Variants in CHLSN observed in about 807,000 individuals in gnomAD.
The protein encoded by CHLSN is protein cholesin.
chr7:1,115,560 CA>C, the CHLSN span, among the ~76,000 whole-genome samples: 320 of 132,026 alleles, frequency 2.4e-3, 1 homozygote, highest in African/African-American at 8.9e-3. Flanking sequence ...GCTCTACGGA[CA>C]GGCTTCCATC....
the CHLSN span, chr7:1,028,188 G>GGGCTGGGGCA: frequency 1.0e-6 from 1 of 964,644 alleles, no homozygotes; most frequent in Non-Finnish European, 1.2e-6. Context: ...GCCGCGGGGC[G>GGGCTGGGGCA]GGGCTGGGGC....
the CHLSN span, among the ~76,000 whole-genome samples, chr7:1,011,292 C>A: frequency 4.3e-5 from 6 of 140,714 alleles, no homozygotes; most frequent in Admixed American, 2.1e-4. Context: ...CACACATAGA[C>A]CAACACCCAC....
At chr7:1,050,044 C>T in the CHLSN span, among the ~76,000 whole-genome samples, 1 of 152,244 alleles carries the variant, frequency 6.6e-6, no homozygotes, top group Non-Finnish European at 1.5e-5. Context: ...CGGGCTAGGC[C>T]TTGGCAGGGC....
At chr7:988,192 T>TA in the CHLSN span, 1 of 1,440,714 alleles carries the variant, frequency 6.9e-7, no homozygotes, top group Non-Finnish European at 9.3e-7. Flanking sequence ...TGGCAGGAGC[T>TA]ACATCCTGGA....
the CHLSN span, among the ~76,000 whole-genome samples, chr7:1,004,366 G>T: frequency 6.6e-6 from 1 of 152,166 alleles, no homozygotes; most frequent in Non-Finnish European, 1.5e-5. Flanking sequence ...CCTTGGGAAC[G>T]TGGAGTGGTG....
At chr7:1,041,537 CAG>C in the CHLSN span, among the ~76,000 whole-genome samples, 7 of 152,218 alleles carry the variant, frequency 4.6e-5, no homozygotes, top group African/African-American at 1.7e-4. Flanking sequence ...AACACATGCA[CAG>C]AGTGTCAGAT....
chr7:1,034,846 G>A, the CHLSN span, among the ~76,000 whole-genome samples: 1 of 139,226 alleles, frequency 7.2e-6, no homozygotes, highest in Non-Finnish European at 1.5e-5. Flanking sequence ...CCTTCTTTGT[G>A]CTCATGAGTT....
the CHLSN span, among the ~76,000 whole-genome samples, chr7:1,122,192 T>G: frequency 6.6e-6 from 1 of 152,190 alleles, no homozygotes; most frequent in Non-Finnish European, 1.5e-5. Context: ...CCTCTGCCCC[T>G]GGCACCTCCA....
the CHLSN span, among the ~76,000 whole-genome samples, chr7:1,115,242 C>G: frequency 5.9e-5 from 9 of 152,216 alleles, no homozygotes; most frequent in African/African-American, 1.9e-4. Flanking sequence ...TTCATCATGT[C>G]TGGGTGTTAA....
At chr7:986,899 C>A in the CHLSN span, 1 of 1,360,406 alleles carries the variant, frequency 7.4e-7, no homozygotes, top group Non-Finnish European at 9.7e-7. Flanking sequence ...CTGCACCAAG[C>A]TCCCTACCTC....
chr7:1,114,325 C>T, the CHLSN span, among the ~76,000 whole-genome samples: 14 of 152,264 alleles, frequency 9.2e-5, no homozygotes, highest in African/African-American at 2.4e-4. Flanking sequence ...AGAGGCCGCC[C>T]GCAGCTGGGG....
chr7:1,005,669 G>C, the CHLSN span, among the ~76,000 whole-genome samples: 1 of 152,264 alleles, frequency 6.6e-6, no homozygotes, highest in Non-Finnish European at 1.5e-5. Flanking sequence ...TTCCAGGCCC[G>C]GAGGCCACGG....
the CHLSN span, among the ~76,000 whole-genome samples, chr7:1,108,364 G>A: frequency 1.0e-5 from 1 of 98,786 alleles, no homozygotes; most frequent in African/African-American, 4.2e-5. Flanking sequence ...CCCGCACCCC[G>A]GGGGGAAGCA....
At chr7:1,036,673 C>A in the CHLSN span, among the ~76,000 whole-genome samples, 1 of 152,012 alleles carries the variant, frequency 6.6e-6, no homozygotes, top group Non-Finnish European at 1.5e-5. Flanking sequence ...AAAAAAAAGT[C>A]TATTAAAAAA....
the CHLSN span, among the ~76,000 whole-genome samples, chr7:1,101,287 GAACA>G: frequency 6.6e-6 from 1 of 152,388 alleles, no homozygotes; most frequent in Admixed American, 6.5e-5. Context: ...AAGGCACGCA[GAACA>G]AACGCCCTGG....
the CHLSN span, among the ~76,000 whole-genome samples, chr7:994,301 C>T: frequency 2.6e-5 from 4 of 151,736 alleles, no homozygotes; most frequent in Non-Finnish European, 2.9e-5. Context: ...GGGATCACTA[C>T]AGGCGCCCAC....
the CHLSN span, among the ~76,000 whole-genome samples, chr7:1,099,241 C>G: frequency 6.6e-6 from 1 of 150,914 alleles, no homozygotes; most frequent in African/African-American, 2.4e-5. Flanking sequence ...GCCTCGCTGT[C>G]GCGTTCCTGC....
the CHLSN span, among the ~76,000 whole-genome samples, chr7:981,607 G>A: frequency 3.9e-5 from 6 of 152,132 alleles, no homozygotes; most frequent in East Asian, 1.9e-4. Context: ...CCAGCTACTC[G>A]GGAGGCTGAG....
At chr7:984,311 C>T in the CHLSN span, 1 of 1,444,028 alleles carries the variant, frequency 6.9e-7, no homozygotes, top group Admixed American at 2.5e-5. Context: ...CCCCATTTTC[C>T]CTCTGTCCCC....
Sources: gnomAD v4.1 joint callset for allele counts (sites outside exome capture counted in the v4.1 genomes callset) on GRCh38, gnomAD v4.1.1 for gene constraint, MANE v1.5 for transcripts, NCBI Gene and HGNC (gene_info 2026-07-23, HGNC 2026-07-21) for gene names.